FRMD5: variants seen among roughly 807,000 people sequenced by gnomAD.
FRMD5 encodes FERM domain containing 5, also known as FERM domain-containing protein 5.
In FRMD5, 20 loss-of-function variants were observed where a neutral mutation model predicts 69.0. That is an observed-to-expected ratio of 0.29 (90% CI 0.20 to 0.42). The LOEUF (loss-of-function observed/expected upper bound fraction) is 0.42, where lower values mean the gene tolerates loss of function less well. FRMD5 is among the 10% of genes least tolerant of loss of function. The probability of loss-of-function intolerance (pLI) is 1.00; values close to 1 mark genes in which losing one functional copy is unlikely to be tolerated. For missense variants in FRMD5, 595 were observed against 708.6 expected (o/e 0.84, Z 1.82); for synonymous variants, 271 against 260.1 (o/e 1.04, Z -0.40).
At chr15:43,990,749 G>A (rs1489863225) in intron 1 of FRMD5, among the ~76,000 whole-genome samples, 1 of 152,050 alleles carries the variant, frequency 6.6e-6, no homozygotes, top group Admixed American at 6.5e-5. Context: ...AATAATAACA[G>A]GTAAGAGACT....
At chr15:43,998,862 T>C in intron 1 of FRMD5, among the ~76,000 whole-genome samples, 1 of 152,328 alleles carries the variant, frequency 6.6e-6, no homozygotes, top group South Asian at 2.1e-4. Context: ...GGCCTATTTC[T>C]ATCCAGCTGC....
chr15:44,123,139 G>A (rs558407380), intron 1 of FRMD5, among the ~76,000 whole-genome samples: 142 of 152,140 alleles, frequency 9.3e-4, no homozygotes, highest in Non-Finnish European at 1.6e-3. Context: ...GAGGTCAGGA[G>A]TTTGAGACCA....
rs1238311597 is a variant in FRMD5, at chr15:43,901,878, C to A, written c.639+297G>T. On this transcript the variant is annotated intron_variant, in intron 7 of 13. Coordinates refer to ENST00000417257, the MANE Select transcript of FRMD5 (RefSeq NM_032892.5). ...GCCTCTGATCGTTCTCTGTGGGGGGCCTTCCATATCCCTCCTCTCTTCATT... is the reference window on the plus strand; with the variant it reads ...GCCTCTGATCGTTCTCTGTGGGGGGACTTCCATATCCCTCCTCTCTTCATT... The A allele has an allele frequency of 2.0e-5, 7 of 353,384 alleles. No homozygotes were observed. The East Asian group carries it at 3.1e-4, about 16-fold the overall frequency. 21.9% of individuals were successfully genotyped at this position (353,384 alleles called of 1,614,324 possible). A position where few individuals can be genotyped will look rare whatever the true frequency, so the allele number is the denominator to read the frequency against.
intron 1 of FRMD5, among the ~76,000 whole-genome samples, chr15:43,924,650 G>A (rs2089551863): frequency 6.6e-6 from 1 of 152,114 alleles, no homozygotes; most frequent in African/African-American, 2.4e-5. Flanking sequence ...AATTACACCA[G>A]GCCCAGCTGA....
chr15:43,914,723 C>CTT (rs533023960), intron 4 of FRMD5, among the ~76,000 whole-genome samples: 103 of 109,360 alleles, frequency 9.4e-4, no homozygotes, highest in Middle Eastern at 5.1e-3. Flanking sequence ...AGGTGACTAC[C>CTT]TTTTTTTTTT....
chr15:43,891,876 G>A, intron 8 of FRMD5, 105 bp downstream of exon 8: 2 of 868,864 alleles, frequency 2.3e-6, no homozygotes, highest in African/African-American at 1.7e-5. Context: ...TTTGGAGAGG[G>A]CTCTGAACCA....
intron 1 of FRMD5, among the ~76,000 whole-genome samples, chr15:44,056,335 G>A (rs1197593915): frequency 1.3e-5 from 2 of 152,146 alleles, no homozygotes; most frequent in Admixed American, 6.5e-5. Flanking sequence ...AGAGAGTAGG[G>A]CAAATACAGT....
intron 1 of FRMD5, among the ~76,000 whole-genome samples, chr15:44,164,302 T>C (rs1267357166): frequency 1.3e-5 from 2 of 152,202 alleles, no homozygotes; most frequent in Non-Finnish European, 2.9e-5. Context: ...TTTTGCATTA[T>C]AAGAAAAATA....
At chr15:44,078,248 T>G (rs1406181959) in intron 1 of FRMD5, among the ~76,000 whole-genome samples, 1 of 152,120 alleles carries the variant, frequency 6.6e-6, no homozygotes, top group Non-Finnish European at 1.5e-5. Flanking sequence ...AATCTTTTAT[T>G]CCCCCTAAGG....
rs896473049 is a variant in FRMD5 at position 44,140,379 on chromosome 15, T to C, written c.102+54574A>G. Among the ~76,000 whole-genome samples the C allele has an allele frequency of 3.3e-5, 5 of 152,064 alleles. No homozygotes were observed. The East Asian group carries it at 7.7e-4, about 24-fold the overall frequency. On this transcript the variant is annotated intron_variant, in intron 1 of 13. Transcript: ENST00000417257. ...ACTGAACAACAATGAAATTACCATA[T>C]AAAAAACTTTGTAAAAATACAACTA...
At chr15:43,939,022 C>G (rs368709417) in intron 1 of FRMD5, among the ~76,000 whole-genome samples, 1 of 151,498 alleles carries the variant, frequency 6.6e-6, no homozygotes, top group African/African-American at 2.4e-5. Context: ...CCACCACATC[C>G]GGCTAATTTT....
intron 13 of FRMD5, chr15:43,876,274 CTG>C: frequency 7.2e-7 from 1 of 1,389,436 alleles, no homozygotes; most frequent in South Asian, 1.2e-5. Context: ...ACTCTGAACT[CTG>C]GGCCTGGTTT....
chr15:43,976,741 A>G (rs1229047157), intron 1 of FRMD5, among the ~76,000 whole-genome samples: 1 of 152,096 alleles, frequency 6.6e-6, no homozygotes, highest in South Asian at 2.1e-4. Context: ...ATCTCGGCTC[A>G]CTGCAACCTC....
chr15:43,898,886 G>A (rs1311605484), intron 7 of FRMD5, among the ~76,000 whole-genome samples: 1 of 152,194 alleles, frequency 6.6e-6, no homozygotes, highest in East Asian at 1.9e-4. Context: ...AGCATTTGTA[G>A]AATCTCCTCT....
intron 13 of FRMD5, among the ~76,000 whole-genome samples, chr15:43,878,554 A>G (rs546333404): frequency 1.2e-4 from 18 of 152,342 alleles, no homozygotes; most frequent in African/African-American, 4.1e-4. Flanking sequence ...TTGCACATGC[A>G]GCTTGAGGAA....
At chr15:44,049,350 G>A (rs1051870649) in intron 1 of FRMD5, among the ~76,000 whole-genome samples, 1 of 152,136 alleles carries the variant, frequency 6.6e-6, no homozygotes, top group Admixed American at 6.5e-5. Flanking sequence ...AGGCACACAA[G>A]AGTATAAGTA....
At chr15:44,045,893 C>G (rs1471644597) in intron 1 of FRMD5, among the ~76,000 whole-genome samples, 3 of 152,152 alleles carry the variant, frequency 2.0e-5, no homozygotes, top group Admixed American at 6.5e-5. Context: ...ATGATCAGGG[C>G]TTGAACAAGA....
At chr15:44,139,660 G>C (rs554226171) in intron 1 of FRMD5, among the ~76,000 whole-genome samples, 4 of 149,772 alleles carry the variant, frequency 2.7e-5, no homozygotes, top group East Asian at 1.9e-4. Flanking sequence ...GGAGGCTGAG[G>C]GGGCAAGATC....
At chr15:44,104,930 T>C (rs894053723) in intron 1 of FRMD5, among the ~76,000 whole-genome samples, 1 of 152,156 alleles carries the variant, frequency 6.6e-6, no homozygotes, top group Non-Finnish European at 1.5e-5. Context: ...TTGGCAATAT[T>C]GCATTATATG....
Sources: allele counts gnomAD v4.1 joint callset (sites outside exome capture counted in the v4.1 genomes callset), GRCh38; gene constraint gnomAD v4.1.1; transcripts MANE v1.5; gene names NCBI Gene and HGNC (gene_info 2026-07-23, HGNC 2026-07-21).